DPH6: variants seen among roughly 807,000 people sequenced by gnomAD.
DPH6 encodes diphthamine biosynthesis 6.
DPH6 carries 33 observed loss-of-function variants against 38.2 expected under a neutral mutation model. That is an observed-to-expected ratio of 0.86 (90% confidence interval 0.65 to 1.15). The LOEUF (loss-of-function observed/expected upper bound fraction) is 1.15. DPH6 is among the 50% of genes most tolerant of loss of function. The probability of loss-of-function intolerance (pLI) is 0.00; values close to 1 mark genes in which losing one functional copy is unlikely to be tolerated. For synonymous variants in DPH6, 108 were observed against 103.0 expected, an observed-to-expected ratio of 1.05 and a Z score of -0.30; for missense variants, 325 against 320.0, an observed-to-expected ratio of 1.02 and a Z score of -0.12.
intron 3 of DPH6, among the ~76,000 whole-genome samples, chr15:35,236,038 CA>C (rs778256625): frequency 2.4e-4 from 37 of 152,244 alleles, no homozygotes; most frequent in Non-Finnish European, 5.0e-4. Flanking sequence ...GCTTTCTAAT[CA>C]AGTATTTAGA....
At chr15:35,447,212 C>T (rs571002849) in intron 5 of DPH6, among the ~76,000 whole-genome samples, 42 of 152,224 alleles carry the variant, frequency 2.8e-4, no homozygotes, top group Admixed American at 1.0e-3. Flanking sequence ...GAAAACACAT[C>T]CAGAGTGTTC....
chr15:35,404,274 C>G lies in DPH6; in HGVS notation c.567+6561G>C, dbSNP rs571190698. On this transcript the variant is annotated intron_variant, in intron 6 of 8. Coordinates refer to ENST00000256538, the MANE Select transcript of DPH6 (RefSeq NM_080650.4). ...GAGATTGCTGGATCATATAGTAGCTCTATTTTTTAGTTTTTTGAGGAGCCT... is the reference window on the plus strand; with the variant it reads ...GAGATTGCTGGATCATATAGTAGCTGTATTTTTTAGTTTTTTGAGGAGCCT... Among the ~76,000 whole-genome samples, 3 of 152,168 alleles carry G rather than the reference C, an allele frequency of 2.0e-5. No homozygotes were observed. The South Asian group carries it at 6.2e-4, about 32-fold the overall frequency.
intron 6 of DPH6, among the ~76,000 whole-genome samples, chr15:35,406,464 G>T (rs1364933260): frequency 2.6e-5 from 4 of 151,978 alleles, no homozygotes; most frequent in Non-Finnish European, 4.4e-5. Flanking sequence ...ATATCATGAT[G>T]GGACTGTGGA....
chr15:35,423,599 TA>T (rs112908935), intron 5 of DPH6, among the ~76,000 whole-genome samples: 1 of 150,864 alleles, frequency 6.6e-6, no homozygotes, highest in African/African-American at 2.4e-5. Context: ...TGGTGTCATA[TA>T]AAAAAAAATC....
At chr15:35,156,811 C>T in the DPH6 span, among the ~76,000 whole-genome samples, 1 of 151,716 alleles carries the variant, frequency 6.6e-6, no homozygotes, top group African/African-American at 2.4e-5. Context: ...TTTATGGAAA[C>T]TAGGTGTCGA....
At chr15:35,285,876 T>TTTTTTTTTTTTTTTTG in intron 3 of DPH6, among the ~76,000 whole-genome samples, 1 of 134,530 alleles carries the variant, frequency 7.4e-6, no homozygotes, top group African/African-American at 2.7e-5. Context: ...CTTTGAGTTT[T>TTTTTTTTTTTTTTTTG]TTTTTTTTTT....
chr15:35,326,966 G>A (rs1045741682), downstream of DPH6, among the ~76,000 whole-genome samples: 5 of 152,126 alleles, frequency 3.3e-5, no homozygotes, highest in African/African-American at 1.2e-4. Flanking sequence ...AACCAGCAGA[G>A]GAAATATTAG....
Position 35,308,038 on chromosome 15 carries a change from G to A in DPH6, n.200+65483C>T, listed in dbSNP as rs190272880. Reference sequence around the variant, plus strand: ...TGTAATCCCAGCAATTTGGGAGGCTGAGGTGGGAGGATTGCTTGAGGCCAG... The same window carrying A: ...TGTAATCCCAGCAATTTGGGAGGCTAAGGTGGGAGGATTGCTTGAGGCCAG... On this transcript the variant is annotated intron_variant and non_coding_transcript_variant, in intron 3 of 3. Transcript: ENST00000560386. 5.2e-4 allele frequency among the ~76,000 whole-genome samples: 79 copies of A among 152,286 alleles called. No homozygotes were observed. The East Asian group carries it at 0.014, about 28-fold the overall frequency.
chr15:35,145,918 A>AAT, the DPH6 span, among the ~76,000 whole-genome samples: 1 of 152,192 alleles, frequency 6.6e-6, no homozygotes, highest in African/African-American at 2.4e-5. Flanking sequence ...TTTAAAAACA[A>AAT]ATAGTATATG....
chr15:35,327,221 G>C (rs2052289663), downstream of DPH6, among the ~76,000 whole-genome samples: 1 of 151,816 alleles, frequency 6.6e-6, no homozygotes, highest in African/African-American at 2.4e-5. Flanking sequence ...AAACATTTTA[G>C]TTCTTGCTTA....
chr15:35,322,669 C>A (rs2052250728), intron 3 of DPH6, among the ~76,000 whole-genome samples: 1 of 152,102 alleles, frequency 6.6e-6, no homozygotes, highest in Non-Finnish European at 1.5e-5. Flanking sequence ...TCTGAATAAT[C>A]ATATATTTTT....
intron 3 of DPH6, among the ~76,000 whole-genome samples, chr15:35,357,619 G>GT (rs2052576045): frequency 6.6e-6 from 1 of 152,162 alleles, no homozygotes; most frequent in South Asian, 2.1e-4. Context: ...GAAAATGACT[G>GT]TATCTTTCCT....
intron 3 of DPH6, chr15:35,521,204 T>C: frequency 1.0e-6 from 1 of 985,374 alleles, no homozygotes. Flanking sequence ...TATTAATTTA[T>C]GGGTTTTGCT....
intron 3 of DPH6, among the ~76,000 whole-genome samples, chr15:35,508,463 A>G (rs1365920849): frequency 8.5e-5 from 13 of 152,160 alleles, no homozygotes; most frequent in Admixed American, 8.5e-4. Flanking sequence ...GAAATTCTCC[A>G]ACATGCTACT....
intron 3 of DPH6, among the ~76,000 whole-genome samples, chr15:35,355,457 A>G (rs187427975): frequency 1.3e-5 from 2 of 152,286 alleles, no homozygotes. Context: ...TGCTTCCTTC[A>G]GGAGCTCTTT....
intron 5 of DPH6, among the ~76,000 whole-genome samples, chr15:35,412,075 C>T (rs935337048): frequency 6.6e-6 from 1 of 151,680 alleles, no homozygotes; most frequent in Non-Finnish European, 1.5e-5. Context: ...ATAAAAGCCA[C>T]AGACTGGGAG....
chr15:35,238,021 G>T (rs1163033805), intron 3 of DPH6: 30 of 1,547,472 alleles, frequency 1.9e-5, no homozygotes, highest in Middle Eastern at 1.7e-4. Flanking sequence ...GGGGTCAGAA[G>T]CGAAAAGGAG....
chr15:35,293,674 T>C lies in DPH6; in HGVS notation n.201-73092A>G, dbSNP rs187908042. Among the ~76,000 whole-genome samples the C allele has an allele frequency of 2.0e-3, 306 of 152,344 alleles. 1 individual carries two copies. Among genetic ancestry groups the C allele is most frequent in the African/African-American group, 7.1e-3 (294 of 41,582 alleles). On this transcript the variant is annotated intron_variant and non_coding_transcript_variant, in intron 3 of 3. Transcript: ENST00000560386. ...GGTGTCCTATTCTGCTACTGAATGA[T>C]GATCTAGCAAGGGGGAAAAATTGCT... is the stretch of plus-strand genomic sequence containing the variant.
the DPH6 span, among the ~76,000 whole-genome samples, chr15:35,191,758 T>C: frequency 1.3e-5 from 2 of 152,064 alleles, no homozygotes; most frequent in Admixed American, 6.5e-5. Context: ...CCTCAGACAA[T>C]TGACTGAAAC....
Sources: allele counts gnomAD v4.1 joint callset (sites outside exome capture counted in the v4.1 genomes callset), GRCh38; gene constraint gnomAD v4.1.1; transcripts MANE v1.5; gene names NCBI Gene and HGNC (gene_info 2026-07-23, HGNC 2026-07-21).